Variants in ZNF266 observed in about 807,000 individuals in gnomAD.
The protein encoded by ZNF266 is zinc finger protein 266.
Under a neutral mutation model 16.4 loss-of-function variants are expected in ZNF266, and 16 were observed. The observed-to-expected ratio is 0.98, with a 90% CI of 0.66 to 1.48. The LOEUF (loss-of-function observed/expected upper bound fraction) is 1.48, where lower values mean the gene tolerates loss of function less well. ZNF266 is among the 40% of genes most tolerant of loss of function. The probability of loss-of-function intolerance (pLI) is 0.00; values close to 1 mark genes in which losing one functional copy is unlikely to be tolerated. For missense variants in ZNF266, 738 were observed against 689.1 expected, an observed-to-expected ratio of 1.07 and a Z score of -0.79; for synonymous variants, 262 against 237.9, an observed-to-expected ratio of 1.10 and a Z score of -0.93.
At chr19:9,417,776 C>T in intron 9 of ZNF266, 52 bp downstream of exon 9, 1 of 1,479,268 alleles carries the variant, frequency 6.8e-7, no homozygotes, top group Admixed American at 1.8e-5. Flanking sequence ...CCTCATTATA[C>T]TTATAAACAT....
intron 5 of ZNF266, among the ~76,000 whole-genome samples, chr19:9,425,717 T>C (rs891965223): frequency 6.6e-6 from 1 of 152,112 alleles, no homozygotes; most frequent in Non-Finnish European, 1.5e-5. Flanking sequence ...CATCCCTAAA[T>C]TGGGTGGGTC....
chr19:9,421,874 C>A (rs1599486265), intron 5 of ZNF266, among the ~76,000 whole-genome samples: 1 of 150,740 alleles, frequency 6.6e-6, no homozygotes, highest in African/African-American at 2.4e-5. Flanking sequence ...TCTTTTGAGA[C>A]GGAGGCTCGC....
At chr19:9,435,007 G>C (rs1438637140) in intron 2 of ZNF266, 101 bp downstream of exon 2, 1 of 152,158 alleles carries the variant, frequency 6.6e-6, no homozygotes, top group Non-Finnish European at 1.5e-5. Flanking sequence ...CCTGAATGTA[G>C]AGTGTCAAAA....
chr19:9,421,798 TG>T (rs1380866478), intron 5 of ZNF266, among the ~76,000 whole-genome samples: 1 of 152,222 alleles, frequency 6.6e-6, no homozygotes, highest in Non-Finnish European at 1.5e-5. Context: ...ACAACATTAC[TG>T]GGTAGATAGA....
intron 5 of ZNF266, among the ~76,000 whole-genome samples, chr19:9,425,221 C>T (rs895794506): frequency 6.6e-6 from 1 of 152,212 alleles, no homozygotes; most frequent in East Asian, 1.9e-4. Context: ...AACGTCCATG[C>T]ACCTTAATAA....
At chr19:9,414,774 A>G (rs2068732362) in intron 10 of ZNF266, 54 bp from the exon 11 acceptor site, 1 of 1,489,592 alleles carries the variant, frequency 6.7e-7, no homozygotes, top group East Asian at 2.3e-5. Flanking sequence ...TGATTAACAG[A>G]TTCCACTCAT....
rs1011637195 is a variant in ZNF266, at chr19:9,413,181, T to C, written c.*94A>G. ...GTTCATTAAGACCTGAGATACAAAG[T>C]TGCTTCCACATTTTTACATTCATAG... On this transcript the variant is annotated 3_prime_UTR_variant, in exon 11 of 11. Coordinates refer to ENST00000592904, the MANE Select transcript of ZNF266 (RefSeq NM_001370374.1). The C allele has an allele frequency of 2.7e-6, 4 of 1,460,110 alleles. No homozygotes were observed. Among genetic ancestry groups the C allele is most frequent in the Admixed American group, 4.6e-5 (2 of 43,104 alleles). 90.4% of individuals were successfully genotyped at this position (1,460,110 alleles called of 1,614,324 possible).
At chr19:9,424,634 T>A (rs1378562188) in intron 5 of ZNF266, among the ~76,000 whole-genome samples, 1 of 152,260 alleles carries the variant, frequency 6.6e-6, no homozygotes, top group African/African-American at 2.4e-5. Flanking sequence ...TGTGTGTTTA[T>A]ATCCATGTGT....
intron 5 of ZNF266, among the ~76,000 whole-genome samples, chr19:9,422,647 A>G (rs1027150800): frequency 6.6e-6 from 1 of 152,168 alleles, no homozygotes; most frequent in African/African-American, 2.4e-5. Context: ...TGCATTCCAG[A>G]GGGCTGCTTC....
Position 9,413,121 on chromosome 19 carries a change from T to C in ZNF266, c.*154A>G. ...TCAGCAAAGTCATTTCCACATTCCC[T>C]GATGCAGGGTCTTCTCCACTGTGAA... is the stretch of plus-strand genomic sequence containing the variant. On this transcript the variant is annotated 3_prime_UTR_variant, in exon 11 of 11. Transcript: ENST00000592904. The C allele has an allele frequency of 1.1e-6, 1 of 899,972 alleles. No homozygotes were observed. The highest frequency in any genetic ancestry group is 1.6e-6 in the Non-Finnish European group (1 of 615,140). The allele number at this position is 899,972 out of a possible 1,614,324, so 55.7% of individuals were successfully genotyped here.
At chr19:9,417,207 C>T (rs1253640025) in intron 9 of ZNF266, among the ~76,000 whole-genome samples, 2 of 151,278 alleles carry the variant, frequency 1.3e-5, no homozygotes, top group African/African-American at 4.9e-5. Flanking sequence ...CCTCTCTCCA[C>T]TAATAATACA....
chr19:9,425,118 C>T (rs1390836679), intron 5 of ZNF266, among the ~76,000 whole-genome samples: 1 of 152,198 alleles, frequency 6.6e-6, no homozygotes, highest in Admixed American at 6.5e-5. Flanking sequence ...CTGCTGACTA[C>T]AGTGAAACTT....
At chr19:9,432,708 A>G (rs969895191) in intron 5 of ZNF266, among the ~76,000 whole-genome samples, 2 of 152,204 alleles carry the variant, frequency 1.3e-5, no homozygotes, top group African/African-American at 2.4e-5. Flanking sequence ...ATATATATAC[A>G]TTTAAGAAAG....
At chr19:9,421,756 T>A (rs1427543532) in intron 5 of ZNF266, among the ~76,000 whole-genome samples, 1 of 152,258 alleles carries the variant, frequency 6.6e-6, no homozygotes, top group African/African-American at 2.4e-5. Context: ...TTCTTGTGTA[T>A]CTGTAATGTA....
At chr19:9,415,826 G>C (rs191102951) in intron 9 of ZNF266, 84 bp from the exon 10 acceptor site, 9 of 1,236,444 alleles carry the variant, frequency 7.3e-6, no homozygotes, top group South Asian at 1.2e-5. Context: ...ATTTGTACTT[G>C]TTTTCTTTTT....
At position 9,413,438 on chromosome 19, in the gene ZNF266, T is replaced by C; in HGVS notation, c.1688A>G (p.Gln563Arg). Reference sequence around the variant, plus strand: ...GGAGTAACTGAAGGATTTCCCACACTGTTTACATTTGTAGGGTTTTTCTCC... The same window carrying C: ...GGAGTAACTGAAGGATTTCCCACACCGTTTACATTTGTAGGGTTTTTCTCC... ...HTGEKPYKCK[Q>R]CGKSFSYSNS... The change falls in exon 11 of 11, where the codon CAG becomes CGG. Residue 563 changes from glutamine (Q) to arginine (R), a missense_variant. By Grantham distance (43) the Gln-to-Arg change is conservative (BLOSUM62 1). Coordinates refer to ENST00000592904, the MANE Select transcript of ZNF266 (RefSeq NM_001370374.1). The C allele has an allele frequency of 1.2e-6, 2 of 1,614,118 alleles. No individual in the cohort carries two copies. The highest frequency in any genetic ancestry group is 1.7e-6 in the Non-Finnish European group (2 of 1,179,976).
intron 8 of ZNF266, 91 bp from the exon 9 acceptor site, chr19:9,417,999 G>A: frequency 2.3e-6 from 3 of 1,295,622 alleles, no homozygotes; most frequent in Admixed American, 1.8e-5. Flanking sequence ...TCCAATGGAA[G>A]CAGTGAAATT....
At chr19:9,415,573 C>A in intron 10 of ZNF266, 81 bp downstream of exon 10, 3 of 1,253,902 alleles carry the variant, frequency 2.4e-6, no homozygotes, top group South Asian at 2.5e-5. Flanking sequence ...CCACCATTCC[C>A]AGCTTTATTC....
At position 9,416,774 on chromosome 19, in the gene ZNF266, C is replaced by T. The variant is rs542431007; in HGVS notation, c.317-1032G>A. Among the ~76,000 whole-genome samples, 3 of 141,678 alleles carry T rather than the reference C, an allele frequency of 2.1e-5. No individual in the cohort carries two copies. The East Asian group carries it at 6.6e-4, about 31-fold the overall frequency. 92.9% of individuals were successfully genotyped at this position (141,678 alleles called of 152,430 possible). A position where few individuals can be genotyped will look rare whatever the true frequency, so the allele number is the denominator to read the frequency against. ...GCAACCTTCGGCCCCTGGGTTCAAGCGATTCTCCTGCCTCAGCCTCCCTAG... is the reference window on the plus strand; with the variant it reads ...GCAACCTTCGGCCCCTGGGTTCAAGTGATTCTCCTGCCTCAGCCTCCCTAG... On this transcript the variant is annotated intron_variant, in intron 9 of 10. Coordinates refer to ENST00000592904, the MANE Select transcript of ZNF266 (RefSeq NM_001370374.1).
Sources: gnomAD v4.1 joint callset for allele counts (sites outside exome capture counted in the v4.1 genomes callset) on GRCh38, gnomAD v4.1.1 for gene constraint, MANE v1.5 for transcripts, NCBI Gene and HGNC (gene_info 2026-07-23, HGNC 2026-07-21) for gene names.